DEPTOR: variants seen among roughly 807,000 people sequenced by gnomAD.
DEPTOR encodes the protein DEP domain containing MTOR interacting protein.
In DEPTOR, 41 loss-of-function variants were observed where a neutral mutation model predicts 41.6. The ratio of observed to expected loss-of-function variants is 0.98; its 90% CI spans 0.77 to 1.28. The LOEUF is 1.28. DEPTOR is among the 50% of genes most tolerant of loss of function. The pLI is 0.00. For synonymous variants in DEPTOR, 195 were observed against 192.3 expected (o/e 1.01, Z -0.12); for missense variants, 514 against 527.9 (o/e 0.97, Z 0.26).
chr8:119,902,992 C>T (rs11777705), intron 1 of DEPTOR, among the ~76,000 whole-genome samples: 75,736 of 152,016 alleles, frequency 0.5, 20,586 homozygotes, highest in East Asian at 0.92. Context: ...TTGTGTGCTC[C>T]GTGAGGGCAG....
intron 4 of DEPTOR, among the ~76,000 whole-genome samples, chr8:119,972,104 G>A (rs1828640865): frequency 6.6e-6 from 1 of 152,180 alleles, no homozygotes; most frequent in Admixed American, 6.6e-5. Context: ...CAGAATTGTT[G>A]GGAGAATTAA....
chr8:119,917,648 G>A (rs1827830970), intron 1 of DEPTOR, among the ~76,000 whole-genome samples: 1 of 152,230 alleles, frequency 6.6e-6, no homozygotes, highest in Non-Finnish European at 1.5e-5. Flanking sequence ...TTCTCCCCAT[G>A]TGATAGTCTG....
intron 3 of DEPTOR, among the ~76,000 whole-genome samples, chr8:119,949,231 CTA>C (rs1828321830): frequency 6.6e-6 from 1 of 152,216 alleles, no homozygotes; most frequent in African/African-American, 2.4e-5. Flanking sequence ...TTATAGCCAA[CTA>C]ATTCCTTGTA....
At chr8:119,924,634 G>T (rs9987140) in intron 1 of DEPTOR, among the ~76,000 whole-genome samples, 6 of 151,726 alleles carry the variant, frequency 4.0e-5, no homozygotes, top group Admixed American at 3.9e-4. Flanking sequence ...GTATTTTAAG[G>T]CTAATCTACC....
chr8:120,023,254 G>GT (rs1204051388), intron 8 of DEPTOR, among the ~76,000 whole-genome samples: 1 of 150,474 alleles, frequency 6.6e-6, no homozygotes, highest in Non-Finnish European at 1.5e-5. Context: ...TCTTTTTTTT[G>GT]TTTTTTGAGA....
chr8:119,966,350 C>T (rs1055851083), intron 4 of DEPTOR, among the ~76,000 whole-genome samples: 2 of 152,076 alleles, frequency 1.3e-5, no homozygotes, highest in African/African-American at 2.4e-5. Context: ...TCTGTAATCC[C>T]GGCTACTCAG....
chr8:120,000,344 C>T (rs1345754124), intron 4 of DEPTOR, among the ~76,000 whole-genome samples: 1 of 152,162 alleles, frequency 6.6e-6, no homozygotes, highest in African/African-American at 2.4e-5. Flanking sequence ...CACCAGTATA[C>T]TTCTGTCTCT....
At chr8:119,994,548 A>T (rs983651571) in intron 4 of DEPTOR, among the ~76,000 whole-genome samples, 14 of 152,154 alleles carry the variant, frequency 9.2e-5, no homozygotes, top group Non-Finnish European at 1.9e-4. Context: ...CTTTAGCTGT[A>T]TATCTGGTTA....
intron 1 of DEPTOR, among the ~76,000 whole-genome samples, chr8:119,922,132 G>A (rs1352738233): frequency 6.6e-6 from 1 of 151,506 alleles, no homozygotes; most frequent in East Asian, 1.9e-4. Context: ...CCCACTACTC[G>A]GGAGGCTGAA....
rs761813142 is a variant in DEPTOR at position 119,944,420 on chromosome 8, GA to G, written c.425+14484del. Among the ~76,000 whole-genome samples, 4 of 152,242 alleles carry G rather than the reference GA, an allele frequency of 2.6e-5. No homozygotes were observed. In the East Asian group the frequency reaches 5.8e-4, roughly 22 times the overall value. On this transcript the variant is annotated intron_variant, in intron 3 of 8. Coordinates refer to ENST00000286234, the MANE Select transcript of DEPTOR (RefSeq NM_022783.4). ...GCATGGAATATGGCTGGATTATAAT[GA>G]ATTATTTTGACATCCTTCCTCTTTG...
chr8:120,027,029 G>A (rs1048732932), intron 8 of DEPTOR, among the ~76,000 whole-genome samples: 6 of 151,888 alleles, frequency 4.0e-5, no homozygotes, highest in African/African-American at 9.7e-5. Flanking sequence ...CACCAGCCTG[G>A]CCAACATGGA....
chr8:119,957,350 T>G lies in DEPTOR; in HGVS notation c.426-7882T>G, dbSNP rs191444716. Among the ~76,000 whole-genome samples the G allele has an allele frequency of 3.3e-3, 500 of 152,306 alleles. 3 individuals are homozygous for G. The highest frequency in any genetic ancestry group is 0.012 in the African/African-American group (481 of 41,570). On this transcript the variant is annotated intron_variant, in intron 3 of 8. Coordinates refer to ENST00000286234, the MANE Select transcript of DEPTOR (RefSeq NM_022783.4). ...TGGTCTCAAAAAGCTTCTAATCAAG[T>G]GAGCAAGTAATTCCCCTAGGCTTCG...
chr8:119,910,516 G>A (rs543035202), intron 1 of DEPTOR, among the ~76,000 whole-genome samples: 4 of 151,004 alleles, frequency 2.6e-5, no homozygotes, highest in Admixed American at 1.3e-4. Context: ...GCAATGGCAC[G>A]ATCTCGGCTC....
At chr8:119,888,321 C>T (rs925706935) in intron 1 of DEPTOR, among the ~76,000 whole-genome samples, 5 of 152,052 alleles carry the variant, frequency 3.3e-5, no homozygotes, top group African/African-American at 1.2e-4. Flanking sequence ...AATTATGATA[C>T]TATACTATTA....
Position 119,906,297 on chromosome 8 carries a change from C to CA in DEPTOR, c.123-22091dup, listed in dbSNP as rs71304922. Among the ~76,000 whole-genome samples the CA allele has an allele frequency of 2.3e-3, 325 of 140,388 alleles. 3 individuals are homozygous for CA. Among genetic ancestry groups the CA allele is most frequent in the Middle Eastern group, 3.6e-3 (1 of 274 alleles). 92.1% of individuals were successfully genotyped at this position (140,388 alleles called of 152,430 possible). A position where few individuals can be genotyped will look rare whatever the true frequency, so the allele number is the denominator to read the frequency against. On this transcript the variant is annotated intron_variant, in intron 1 of 8. Transcript: ENST00000286234. ...TGAAACCCCATCTCTACTAAAAATACAAAAAAAAAAAAGCCGGGTATGGTG... is the reference window on the plus strand; with the variant it reads ...TGAAACCCCATCTCTACTAAAAATACAAAAAAAAAAAAAGCCGGGTATGGTG...
Position 119,901,403 on chromosome 8 carries a change from G to A in DEPTOR, c.123-26997G>A, listed in dbSNP as rs1014038188. Among the ~76,000 whole-genome samples the A allele has an allele frequency of 1.6e-4, 24 of 152,148 alleles. 1 individual carries two copies. Among genetic ancestry groups the A allele is most frequent in the African/African-American group, 5.5e-4 (23 of 41,510 alleles). On this transcript the variant is annotated intron_variant, in intron 1 of 8. Coordinates refer to ENST00000286234, the MANE Select transcript of DEPTOR (RefSeq NM_022783.4). ...AAAGATATGATAATTTCAGCCAGGC[G>A]TGGTGGCTCACACCTGTAATCCCTG...
intron 8 of DEPTOR, among the ~76,000 whole-genome samples, chr8:120,027,159 G>A (rs557204028): frequency 7.3e-5 from 11 of 150,880 alleles, no homozygotes; most frequent in African/African-American, 1.9e-4. Context: ...CGGAGGTTGC[G>A]GTGAGCCGAG....
In DEPTOR at chr8:120,050,506, A is replaced by G. The variant is rs975265449; in HGVS notation, c.*802A>G. 2.6e-5 allele frequency: 4 copies of G among 152,340 alleles called. No homozygotes were observed. Among genetic ancestry groups the G allele is most frequent in the Non-Finnish European group, 2.9e-5 (2 of 68,032 alleles). 9.4% of individuals were successfully genotyped at this position (152,340 alleles called of 1,614,324 possible). A position where few individuals can be genotyped will look rare whatever the true frequency, so the allele number is the denominator to read the frequency against. ...TTGTATATACACATAATTAAAAATC[A>G]ACCCTTCTGGCAAGATTTCACTTTG... On this transcript the variant is annotated 3_prime_UTR_variant, in exon 9 of 9. Coordinates refer to ENST00000286234, the MANE Select transcript of DEPTOR (RefSeq NM_022783.4).
At chr8:119,923,571 T>C (rs991937096) in intron 1 of DEPTOR, among the ~76,000 whole-genome samples, 4 of 152,210 alleles carry the variant, frequency 2.6e-5, no homozygotes, top group African/African-American at 9.6e-5. Flanking sequence ...TTCTTCTTTA[T>C]TGAAGTATTT....
Sources: gnomAD v4.1 joint callset for allele counts (sites outside exome capture counted in the v4.1 genomes callset) on GRCh38, gnomAD v4.1.1 for gene constraint, MANE v1.5 for transcripts, NCBI Gene and HGNC (gene_info 2026-07-23, HGNC 2026-07-21) for gene names.